Variants in ZSCAN1 observed in about 807,000 individuals in gnomAD.
ZSCAN1 encodes the protein zinc finger and SCAN domain-containing protein 1.
In ZSCAN1, 23 loss-of-function variants were observed where a neutral mutation model predicts 23.8. That is an observed-to-expected ratio of 0.97 (90% CI 0.70 to 1.37). ZSCAN1 has a LOEUF of 1.37. ZSCAN1 is among the 40% of genes most tolerant of loss of function. ZSCAN1 has a pLI of 0.00. For missense variants in ZSCAN1, 575 were observed against 554.0 expected (o/e 1.04, Z -0.38); for synonymous variants, 236 against 232.3 (o/e 1.02, Z -0.15).
At chr19:58,034,470 G>A (rs962536066) in intron 1 of ZSCAN1, among the ~76,000 whole-genome samples, 2 of 151,950 alleles carry the variant, frequency 1.3e-5, no homozygotes, top group Admixed American at 6.5e-5. Context: ...CCGCCTGTCC[G>A]TTTGAGGCCG....
Position 58,045,647 on chromosome 19 carries a change from T to A in ZSCAN1, c.465+5103T>A. 1.1e-6 allele frequency: 1 copy of A among 932,298 alleles called. No individual in the cohort carries two copies. Among genetic ancestry groups the A allele is most frequent in the Non-Finnish European group, 1.8e-6 (1 of 559,236 alleles). 57.8% of individuals were successfully genotyped at this position (932,298 alleles called of 1,614,324 possible). On this transcript the variant is annotated intron_variant, in intron 4 of 5. Transcript: ENST00000282326. This position sits in a 1 kb window ranked among gnomAD's most constrained non-coding sequence, Gnocchi z 4.3. ...CGCTCCATAAAGGCAGAGGACAAGC[T>A]GTTTGCTGAGGAAGGGGTGGACAGC...
rs761646970 is a variant in ZSCAN1, at chr19:58,038,259, C to G, written c.370+53C>G. On this transcript the variant is annotated intron_variant, in intron 3 of 5. Transcript: ENST00000282326. ...GCCGGGCCAGGGGGCCTGACGTCTC[C>G]GAGGACCGAACTGCCCTCCTTCCCG... The G allele has an allele frequency of 5.2e-6, 8 of 1,549,350 alleles. No homozygotes were observed. In the African/African-American group the frequency reaches 8.2e-5, roughly 16 times the overall value.
At chr19:58,038,787 T>C (rs2073762472) in intron 3 of ZSCAN1, among the ~76,000 whole-genome samples, 1 of 152,206 alleles carries the variant, frequency 6.6e-6, no homozygotes, top group South Asian at 2.1e-4. Flanking sequence ...CAGGGCCCAG[T>C]CCCATGAGTG....
In ZSCAN1 at chr19:58,040,309, G is replaced by A; in HGVS notation, c.371-141G>A. 1 of 835,888 alleles carries A rather than the reference G, an allele frequency of 1.2e-6. No homozygotes were observed. Among genetic ancestry groups the A allele is most frequent in the Non-Finnish European group, 1.9e-6 (1 of 518,368 alleles). The allele number at this position is 835,888 out of a possible 1,614,324, so 51.8% of individuals were successfully genotyped here. On this transcript the variant is annotated intron_variant, in intron 3 of 5. Coordinates refer to ENST00000282326, the MANE Select transcript of ZSCAN1 (RefSeq NM_182572.4). The surrounding 1 kb of genome is among the most constrained non-coding windows in gnomAD (Gnocchi z 5.8). ...CAGCAGCCACATGGAGGGACAGAAT[G>A]ACAGCCCTGCAGCCACTCTTGCCTG...
chr19:58,037,340 C>T (rs923991816), intron 2 of ZSCAN1, among the ~76,000 whole-genome samples: 2 of 148,524 alleles, frequency 1.3e-5, no homozygotes, highest in African/African-American at 5.3e-5. Context: ...TCCCGCAGCT[C>T]GTCAGTCAAT....
intron 4 of ZSCAN1, among the ~76,000 whole-genome samples, chr19:58,044,347 G>C (rs892174344): frequency 3.3e-5 from 5 of 151,888 alleles, no homozygotes; most frequent in Admixed American, 2.0e-4. Flanking sequence ...CCACAGAAAG[G>C]TTATGCTCTG....
At chr19:58,044,594 T>G (rs1480813641) in intron 4 of ZSCAN1, 3 of 981,486 alleles carry the variant, frequency 3.1e-6, no homozygotes, top group Non-Finnish European at 4.5e-6. Context: ...ACACACGGCG[T>G]CCATCTTAAT....
At chr19:58,035,775 C>T (rs1289213773) in intron 1 of ZSCAN1, among the ~76,000 whole-genome samples, 195 bp from the exon 2 acceptor site, 2 of 152,210 alleles carry the variant, frequency 1.3e-5, no homozygotes, top group Admixed American at 6.5e-5. Flanking sequence ...TTCTGCCACC[C>T]TGCACCTCTC....
intron 4 of ZSCAN1, among the ~76,000 whole-genome samples, chr19:58,052,177 G>C (rs2073861641): frequency 6.6e-6 from 1 of 152,256 alleles, no homozygotes; most frequent in Non-Finnish European, 1.5e-5. Context: ...TGAACAAGGG[G>C]ATTTGCATTT....
At chr19:58,056,198 A>C (rs2073888548), downstream of ZSCAN1, among the ~76,000 whole-genome samples, 1 of 152,146 alleles carries the variant, frequency 6.6e-6, no homozygotes, top group Non-Finnish European at 1.5e-5. Flanking sequence ...GGTCCCTCTA[A>C]AATGCAGACA....
chr19:58,046,334 CA>C, intron 4 of ZSCAN1: 1 of 908,406 alleles, frequency 1.1e-6, no homozygotes, highest in Non-Finnish European at 1.9e-6. Context: ...AAGGAACTTT[CA>C]AAGACTGGTG....
At chr19:58,051,398 C>A (rs1388800909) in intron 4 of ZSCAN1, among the ~76,000 whole-genome samples, 1 of 152,160 alleles carries the variant, frequency 6.6e-6, no homozygotes, top group African/African-American at 2.4e-5. Context: ...CCAAACACAC[C>A]ATCCACATAC....
chr19:58,046,629 C>T, intron 4 of ZSCAN1: 1 of 852,960 alleles, frequency 1.2e-6, no homozygotes, highest in South Asian at 1.3e-5. Flanking sequence ...ACCACCTCAT[C>T]AAGGTGATTG....
chr19:58,054,850 AT>A (rs113127205), downstream of ZSCAN1, among the ~76,000 whole-genome samples: 675 of 150,066 alleles, frequency 4.5e-3, 3 homozygotes, highest in African/African-American at 0.013. This position sits in a 1 kb window ranked among gnomAD's most constrained non-coding sequence, Gnocchi z 4.2. Flanking sequence ...TTACAGAAGG[AT>A]TTTTTTTTTA....
intron 3 of ZSCAN1, 60 bp downstream of exon 3, chr19:58,038,266 C>T (rs2073756386): frequency 2.6e-6 from 4 of 1,542,732 alleles, no homozygotes; most frequent in South Asian, 1.2e-5. Flanking sequence ...CTCCGAGGAC[C>T]GAACTGCCCT....
intron 1 of ZSCAN1, among the ~76,000 whole-genome samples, chr19:58,034,982 C>T (rs1227019065): frequency 1.3e-5 from 2 of 151,992 alleles, no homozygotes; most frequent in African/African-American, 2.4e-5. Context: ...CCGGCATCAG[C>T]GGCAAAGCCC....
intron 4 of ZSCAN1, among the ~76,000 whole-genome samples, chr19:58,041,325 G>A (rs776213320): frequency 3.9e-5 from 6 of 152,228 alleles, no homozygotes; most frequent in Admixed American, 1.3e-4. Context: ...GTCCCTCCTA[G>A]AGGGGTCCTG....
chr19:58,052,892 G>T (rs1221795110), intron 5 of ZSCAN1, among the ~76,000 whole-genome samples: 2 of 152,078 alleles, frequency 1.3e-5, no homozygotes, highest in African/African-American at 2.4e-5. Flanking sequence ...TGGAGCACGG[G>T]GTTACCCAGA....
At position 58,045,858 on chromosome 19, in the gene ZSCAN1, C is replaced by A; in HGVS notation, c.465+5314C>A. 1 of 1,097,648 alleles carries A rather than the reference C, an allele frequency of 9.1e-7. No individual in the cohort carries two copies. Among genetic ancestry groups the A allele is most frequent in the Non-Finnish European group, 1.4e-6 (1 of 708,990 alleles). 68.0% of individuals were successfully genotyped at this position (1,097,648 alleles called of 1,614,324 possible). On this transcript the variant is annotated intron_variant, in intron 4 of 5. Coordinates refer to ENST00000282326, the MANE Select transcript of ZSCAN1 (RefSeq NM_182572.4). The surrounding 1 kb of genome is among the most constrained non-coding windows in gnomAD (Gnocchi z 4.3). Reference sequence around the variant, plus strand: ...TCCCGGACACCCTCTTGCCAGCCGACCAGCTCAAGTCCACACTGCAGACTC... The same window carrying A: ...TCCCGGACACCCTCTTGCCAGCCGAACAGCTCAAGTCCACACTGCAGACTC...
Sources: allele counts gnomAD v4.1 joint callset (sites outside exome capture counted in the v4.1 genomes callset), GRCh38; gene constraint gnomAD v4.1.1; non-coding constraint Gnocchi (gnomAD v3.1); transcripts MANE v1.5; gene names NCBI Gene and HGNC (gene_info 2026-07-23, HGNC 2026-07-21).